Variants in ERBB4 observed in about 807,000 individuals in gnomAD.
ERBB4 encodes erb-b2 receptor tyrosine kinase 4, also known as receptor tyrosine-protein kinase erbB-4.
Under a neutral mutation model 158.0 loss-of-function variants are expected in ERBB4, and 42 were observed. The ratio of observed to expected loss-of-function variants is 0.27; its 90% CI spans 0.21 to 0.34. ERBB4 has a LOEUF of 0.34. Among genes scored for constraint, ERBB4 ranks in the 10% least tolerant of loss-of-function variants. The pLI is 1.00. For synonymous variants in ERBB4, 583 were observed against 558.7 expected, an observed-to-expected ratio of 1.04 and a Z score of -0.61; for missense variants, 1,333 against 1,624.1, an observed-to-expected ratio of 0.82 and a Z score of 3.08.
intron 1 of ERBB4, among the ~76,000 whole-genome samples, chr2:212,339,788 T>C (rs1010564206): frequency 6.6e-6 from 1 of 152,160 alleles, no homozygotes; most frequent in African/African-American, 2.4e-5. Flanking sequence ...ATTAAAAATA[T>C]GCTTTTTTAA....
At chr2:211,423,765 G>C in intron 23 of ERBB4, among the ~76,000 whole-genome samples, 1 of 151,404 alleles carries the variant, frequency 6.6e-6, no homozygotes, top group Non-Finnish European at 1.5e-5. Flanking sequence ...TTTCCTTCAT[G>C]TTTAGATCAT....
intron 16 of ERBB4, among the ~76,000 whole-genome samples, chr2:211,634,253 C>T (rs530463279): frequency 6.6e-6 from 1 of 151,766 alleles, no homozygotes; most frequent in Non-Finnish European, 1.5e-5. Context: ...GTTTACTTTG[C>T]TTTTTTTTCA....
At chr2:212,295,082 T>C (rs575870704) in intron 1 of ERBB4, among the ~76,000 whole-genome samples, 1 of 152,202 alleles carries the variant, frequency 6.6e-6, no homozygotes, top group African/African-American at 2.4e-5. Flanking sequence ...GCCAATTCCA[T>C]TGGCAGAGCA....
chr2:212,512,403 T>G (rs1475923575), intron 1 of ERBB4, among the ~76,000 whole-genome samples: 1 of 151,918 alleles, frequency 6.6e-6, no homozygotes, highest in African/African-American at 2.4e-5. Context: ...AACAGGTCTG[T>G]GTTGTCAGGA....
intron 25 of ERBB4, among the ~76,000 whole-genome samples, chr2:211,405,732 G>T (rs528598777): frequency 6.6e-6 from 1 of 152,064 alleles, no homozygotes; most frequent in Non-Finnish European, 1.5e-5. Flanking sequence ...TCTCAAAAAG[G>T]ATAGTAAGAT....
At position 211,565,321 on chromosome 2, in the gene ERBB4, G is replaced by A. The variant is rs866700310; in HGVS notation, c.2302-3233C>T. On this transcript the variant is annotated intron_variant, in intron 19 of 27. Transcript: ENST00000342788. ...GGGACAGAGTATGCCCTTCTGAAAGGTGGTGATGGGAATGGAGTGAAAGGT... is the reference window on the plus strand; with the variant it reads ...GGGACAGAGTATGCCCTTCTGAAAGATGGTGATGGGAATGGAGTGAAAGGT... 1.4e-4 allele frequency among the ~76,000 whole-genome samples: 21 copies of A among 152,144 alleles called. 1 individual carries two copies. The highest frequency in any genetic ancestry group is 4.3e-4 in the African/African-American group (18 of 41,422).
intron 4 of ERBB4, among the ~76,000 whole-genome samples, chr2:211,771,114 G>A (rs768673615): frequency 1.3e-5 from 2 of 152,226 alleles, no homozygotes; most frequent in South Asian, 4.2e-4. Flanking sequence ...AGAATCAATA[G>A]GAGAATTCTG....
chr2:212,508,891 T>A (rs190094047), intron 1 of ERBB4, among the ~76,000 whole-genome samples: 1 of 152,270 alleles, frequency 6.6e-6, no homozygotes, highest in East Asian at 1.9e-4. Flanking sequence ...GTCATTGTCA[T>A]CTGCCAATTT....
intron 3 of ERBB4, among the ~76,000 whole-genome samples, chr2:211,885,497 C>G (rs1487519248): frequency 6.6e-6 from 1 of 151,920 alleles, no homozygotes; most frequent in African/African-American, 2.4e-5. Context: ...ACTCTGTCAC[C>G]CAGGCTGGAG....
At chr2:211,525,206 A>G (rs1166322419) in intron 20 of ERBB4, among the ~76,000 whole-genome samples, 4 of 152,190 alleles carry the variant, frequency 2.6e-5, no homozygotes, top group Admixed American at 2.6e-4. Flanking sequence ...AACACCAGCC[A>G]GGGCAGCTAA....
At chr2:212,488,318 C>CCTCTCTCT (rs67659068) in intron 1 of ERBB4, among the ~76,000 whole-genome samples, 14 of 115,804 alleles carry the variant, frequency 1.2e-4, no homozygotes, top group African/African-American at 5.5e-4. Context: ...TTTCCTCGCT[C>CCTCTCTCT]CTCTCTCTCT....
rs189848619 is a variant in ERBB4 at position 211,830,492 on chromosome 2, A to C, written c.422-42333T>G. On this transcript the variant is annotated intron_variant, in intron 3 of 27. Transcript: ENST00000342788. ...TGACTTAAAGATACATTTAATTATT[A>C]GCCTTTAATTTGTTTATTTCTATGT... Among the ~76,000 whole-genome samples, 100 of 152,208 alleles carry C rather than the reference A, an allele frequency of 6.6e-4. 1 individual carries two copies. Among genetic ancestry groups the C allele is most frequent in the Non-Finnish European group, 1.8e-4 (12 of 68,002 alleles).
At chr2:211,518,820 G>GT (rs1286292899) in intron 20 of ERBB4, among the ~76,000 whole-genome samples, 9 of 151,964 alleles carry the variant, frequency 5.9e-5, no homozygotes, top group African/African-American at 1.9e-4. Flanking sequence ...TATTAAAGGG[G>GT]TTTTTTTGTC....
chr2:212,068,567 C>T (rs1371426020), intron 2 of ERBB4, among the ~76,000 whole-genome samples: 18 of 152,036 alleles, frequency 1.2e-4, no homozygotes, highest in African/African-American at 3.4e-4. Flanking sequence ...TTCTTACACA[C>T]CAAAAGCTAC....
At chr2:211,808,587 C>T (rs894054236) in intron 3 of ERBB4, among the ~76,000 whole-genome samples, 1 of 152,084 alleles carries the variant, frequency 6.6e-6, no homozygotes, top group Non-Finnish European at 1.5e-5. Context: ...GTTCTTTTTG[C>T]TTAGGATTGT....
At position 211,377,557 on chromosome 2, in the gene ERBB4, A is replaced by G. The variant is rs2062497811; in HGVS notation, c.*6058T>C. 1 of 232,570 alleles carries G rather than the reference A, an allele frequency of 4.3e-6. No individual in the cohort carries two copies. Among genetic ancestry groups the G allele is most frequent in the Non-Finnish European group, 8.5e-6 (1 of 117,588 alleles). 14.4% of individuals were successfully genotyped at this position (232,570 alleles called of 1,614,324 possible). On this transcript the variant is annotated 3_prime_UTR_variant, in exon 28 of 28. Transcript: ENST00000342788. ...TCCTCATTATGTATTTGTTAGATGG[A>G]TGAATGATCCAAAAAAGAATTGCAG...
intron 3 of ERBB4, among the ~76,000 whole-genome samples, chr2:211,905,677 T>C (rs866792880): frequency 8.8e-5 from 10 of 113,226 alleles, no homozygotes; most frequent in Non-Finnish European, 1.5e-4. Context: ...TATATATATA[T>C]ATATACACAC....
intron 1 of ERBB4, among the ~76,000 whole-genome samples, chr2:212,359,508 A>C (rs557839503): frequency 1.2e-4 from 18 of 151,846 alleles, no homozygotes; most frequent in African/African-American, 4.3e-4. Flanking sequence ...CCTAGTTTCC[A>C]ACCTCACCAA....
chr2:212,179,967 G>C (rs2081804529), intron 1 of ERBB4, among the ~76,000 whole-genome samples: 1 of 151,528 alleles, frequency 6.6e-6, no homozygotes, highest in Non-Finnish European at 1.5e-5. Flanking sequence ...ATAAATCTCT[G>C]GCATCTAGAA....
Sources: gnomAD v4.1 joint callset for allele counts (sites outside exome capture counted in the v4.1 genomes callset) on GRCh38, gnomAD v4.1.1 for gene constraint, MANE v1.5 for transcripts, NCBI Gene and HGNC (gene_info 2026-07-23, HGNC 2026-07-21) for gene names.